IL19: variants seen among roughly 807,000 people sequenced by gnomAD.
The protein encoded by IL19 is interleukin 19.
A neutral mutation model predicts 19.5 loss-of-function variants in IL19; 15 were observed. The observed-to-expected ratio is 0.77, with a 90% CI of 0.52 to 1.19. IL19 has a LOEUF of 1.19. Ranked by LOEUF, IL19 falls within the 50% of genes most tolerant of loss-of-function variation. The probability of loss-of-function intolerance (pLI) is 0.00; values close to 1 mark genes in which losing one functional copy is unlikely to be tolerated. For missense variants in IL19, 199 were observed against 213.1 expected, an observed-to-expected ratio of 0.93 and a Z score of 0.41; for synonymous variants, 78 against 78.3, an observed-to-expected ratio of 1.00 and a Z score of 0.02.
intron 5 of IL19, 152 bp downstream of exon 5, chr1:206,840,154 C>T (rs1168369975): frequency 2.3e-6 from 2 of 866,008 alleles, no homozygotes; most frequent in Admixed American, 3.9e-5. Context: ...GAGAACCTCT[C>T]CCAGTGGCCA....
intron 1 of IL19, among the ~76,000 whole-genome samples, chr1:206,780,077 G>C (rs1675096301): frequency 6.6e-6 from 1 of 152,010 alleles, no homozygotes; most frequent in Admixed American, 6.6e-5. Flanking sequence ...TCAGCTCTCA[G>C]CTCAGATGTT....
intron 2 of IL19, among the ~76,000 whole-genome samples, chr1:206,824,479 G>C (rs1311923689): frequency 6.6e-6 from 1 of 152,186 alleles, no homozygotes; most frequent in African/African-American, 2.4e-5. Context: ...TATGTTTCTT[G>C]CATCTGCCGA....
intron 1 of IL19, chr1:206,772,341 T>C (rs1674876770): frequency 6.2e-7 from 1 of 1,614,066 alleles, no homozygotes; most frequent in Admixed American, 1.7e-5. Flanking sequence ...GCCTGGGAAG[T>C]GGGTGCAGCT....
At chr1:206,808,930 GA>G (rs1478652566) in intron 2 of IL19, among the ~76,000 whole-genome samples, 1 of 152,182 alleles carries the variant, frequency 6.6e-6, no homozygotes, top group Admixed American at 6.5e-5. Context: ...CATGAGTGAA[GA>G]GGGTGCATGA....
chr1:206,802,258 G>A (rs973898783), intron 2 of IL19, among the ~76,000 whole-genome samples: 1 of 152,164 alleles, frequency 6.6e-6, no homozygotes, highest in Non-Finnish European at 1.5e-5. Flanking sequence ...GCTTATTGGG[G>A]CCCTAGAGAA....
At position 206,771,013 on chromosome 1, in the gene IL19, A is replaced by G; in HGVS notation, c.-214A>G. The G allele has an allele frequency of 6.2e-7, 1 of 1,614,176 alleles. No homozygotes were observed. On this transcript the variant is annotated 5_prime_UTR_variant, in exon 1 of 7. Coordinates refer to ENST00000659997, the MANE Select transcript of IL19 (RefSeq NM_153758.5). ...CTCAGCTTGGGGCATCACCTCCTCCAGGTAAAACTGGATCATCTCAGACAA... is the reference window on the plus strand; with the variant it reads ...CTCAGCTTGGGGCATCACCTCCTCCGGGTAAAACTGGATCATCTCAGACAA...
chr1:206,836,729 C>T lies in IL19; in HGVS notation c.67C>T (p.His23Tyr), dbSNP rs1208269897. ...ACTGATATTGTGCTCAGTAGACAAC[C>T]ACGGTCTCAGGAGATGTCTGATTTC... ...TILILCSVDN[H>Y]GLRRCLISTD... Residue 23 changes from histidine (H) to tyrosine (Y), a missense_variant, in exon 3 of 7, where the codon CAC becomes TAC. Transcript: ENST00000659997. 1 of 1,613,588 alleles carries T rather than the reference C, an allele frequency of 6.2e-7. No homozygotes were observed. The highest frequency in any genetic ancestry group is 1.7e-5 in the Admixed American group (1 of 60,012).
intron 1 of IL19, among the ~76,000 whole-genome samples, chr1:206,798,244 C>T (rs897228329): frequency 2.0e-5 from 3 of 152,164 alleles, no homozygotes; most frequent in Non-Finnish European, 4.4e-5. Flanking sequence ...GCCTAGTTCA[C>T]ATTCTTCACC....
rs1053294735 is a variant in IL19 at position 206,802,364 on chromosome 1, G to C, written c.-3+3358G>C. On this transcript the variant is annotated intron_variant, in intron 2 of 6. Transcript: ENST00000659997. ...AGAATTATATTATTCATAATATCTG[G>C]GTGGTTTTTTTTTCTGCCTTCCATG... is the stretch of plus-strand genomic sequence containing the variant. Among the ~76,000 whole-genome samples, 9 of 152,224 alleles carry C rather than the reference G, an allele frequency of 5.9e-5. No homozygotes were observed. The South Asian group carries it at 8.3e-4, about 14-fold the overall frequency.
At chr1:206,833,199 G>A (rs902510476) in intron 2 of IL19, among the ~76,000 whole-genome samples, 1 of 152,216 alleles carries the variant, frequency 6.6e-6, no homozygotes, top group Non-Finnish European at 1.5e-5. Flanking sequence ...AGAATGAGTG[G>A]TCCCATGAGC....
At chr1:206,790,052 C>A (rs1173212091) in intron 1 of IL19, among the ~76,000 whole-genome samples, 1 of 152,096 alleles carries the variant, frequency 6.6e-6, no homozygotes, top group Non-Finnish European at 1.5e-5. Flanking sequence ...AGTAGATACC[C>A]AGTAGTGGGA....
intron 1 of IL19, among the ~76,000 whole-genome samples, chr1:206,780,533 G>A (rs1675105408): frequency 6.6e-6 from 1 of 152,150 alleles, no homozygotes; most frequent in South Asian, 2.1e-4. Flanking sequence ...TAAAAGAATT[G>A]ATCTGATTAC....
chr1:206,840,910 A>C, intron 5 of IL19, 94 bp from the exon 6 acceptor site: 1 of 979,718 alleles, frequency 1.0e-6, no homozygotes, highest in Non-Finnish European at 1.6e-6. Flanking sequence ...TGTGGGAGGG[A>C]GGAGAAATGT....
chr1:206,842,582 C>G lies in IL19; in HGVS notation c.494C>G (p.Ala165Gly). 1.3e-6 allele frequency: 2 copies of G among 1,576,316 alleles called. No homozygotes were observed. Among genetic ancestry groups the G allele is most frequent in the South Asian group, 1.2e-5 (1 of 85,892 alleles). ...CTGGGAGAGCTCGACGTCTTTCTAG[C>G]CTGGATTAATAAGAATCATGAAGTA... ...KSLGELDVFL[A>G]WINKNHEVMF... is the part of the protein sequence containing the mutation. The change falls in exon 7 of 7, where the codon GCC (alanine) becomes GGC (glycine). Residue 165 changes from alanine to glycine, a missense_variant. By Grantham distance (60) the Ala-to-Gly change is moderately conservative. Transcript: ENST00000659997.
At chr1:206,789,728 C>T (rs961021717) in intron 1 of IL19, among the ~76,000 whole-genome samples, 6 of 152,090 alleles carry the variant, frequency 3.9e-5, no homozygotes, top group Admixed American at 3.3e-4. Flanking sequence ...GATCCTTTCC[C>T]TCCTCCCACC....
chr1:206,801,686 CTAT>C (rs1236106768), intron 2 of IL19, among the ~76,000 whole-genome samples: 2 of 152,240 alleles, frequency 1.3e-5, no homozygotes, highest in Non-Finnish European at 2.9e-5. Flanking sequence ...TGAGTCACTT[CTAT>C]TATTACCCCC....
At chr1:206,772,043 C>T (rs1434748619) in intron 1 of IL19, among the ~76,000 whole-genome samples, 2 of 152,242 alleles carry the variant, frequency 1.3e-5, no homozygotes, top group Non-Finnish European at 2.9e-5. Context: ...AGAGAGAACG[C>T]ATTTACTTTA....
intron 2 of IL19, among the ~76,000 whole-genome samples, chr1:206,820,582 A>G (rs370169652): frequency 2.0e-5 from 3 of 152,326 alleles, no homozygotes; most frequent in African/African-American, 4.8e-5. Flanking sequence ...TTGTTTGATA[A>G]TTTGTTGCTA....
intron 1 of IL19, 136 bp from the exon 2 acceptor site, chr1:206,798,725 T>G: frequency 1.8e-6 from 1 of 557,996 alleles, no homozygotes; most frequent in Non-Finnish European, 3.2e-6. Context: ...GAGGGTGTGA[T>G]TCGGTTCAGA....
Sources: gnomAD v4.1 joint callset for allele counts (sites outside exome capture counted in the v4.1 genomes callset) on GRCh38, gnomAD v4.1.1 for gene constraint, MANE v1.5 for transcripts, NCBI Gene and HGNC (gene_info 2026-07-23, HGNC 2026-07-21) for gene names.